Variants in CHRM4 observed in about 807,000 individuals in gnomAD.
CHRM4 encodes the protein muscarinic acetylcholine receptor M4.
A neutral mutation model predicts 26.3 loss-of-function variants in CHRM4; 5 were observed. That is an observed-to-expected ratio of 0.19 (90% CI 0.10 to 0.40). The LOEUF (loss-of-function observed/expected upper bound fraction) is 0.40. Ranked by LOEUF, CHRM4 falls within the 10% of genes least tolerant of loss-of-function variation. CHRM4 has a pLI of 1.00. For missense variants in CHRM4, 402 were observed against 664.5 expected, an observed-to-expected ratio of 0.60 and a Z score of 4.34; for synonymous variants, 290 against 285.3, an observed-to-expected ratio of 1.02 and a Z score of -0.16.
rs1945303953 is a variant in CHRM4 at position 46,384,101 on chromosome 11, A to G, written c.*1017T>C. ...CTGACTCACTGGAACCACCACACCC[A>G]TCTCAGCCTCACCCAGTCAAAGGTC... On this transcript the variant is annotated 3_prime_UTR_variant, in exon 2 of 2. Coordinates refer to ENST00000682254, the MANE Select transcript of CHRM4 (RefSeq NM_000741.5). Among the ~76,000 whole-genome samples the G allele has an allele frequency of 6.6e-6, 1 of 152,200 alleles. No homozygotes were observed. The highest frequency in any genetic ancestry group is 2.4e-5 in the African/African-American group (1 of 41,440).
Position 46,385,842 on chromosome 11 carries a change from G to C in CHRM4, c.716C>G (p.Ala239Gly). 1 of 1,604,500 alleles carries C rather than the reference G, an allele frequency of 6.2e-7. No individual in the cohort carries two copies. The highest frequency in any genetic ancestry group is 8.5e-7 in the Non-Finnish European group (1 of 1,175,862). The change falls in exon 2 of 2, where the codon GCC (alanine) becomes GGC (glycine). Residue 239 changes from alanine (A) to glycine (G), a missense_variant. By Grantham distance (60) the Ala-to-Gly change is moderately conservative. Transcript: ENST00000682254. This position sits in a 1 kb window ranked among gnomAD's most constrained non-coding sequence, Gnocchi z 6.3. The part of the protein sequence containing the change: ...HRPEGPKEKK[A>G]KTLAFLKSPL... ...GCTCTTGAGGAAGGCCAGCGTCTTG[G>C]CTTTCTTCTCCTTCGGGCCCTCGGG... is the stretch of plus-strand genomic sequence containing the variant.
chr11:46,388,021 C>T (rs1945358874), intron 1 of CHRM4, among the ~76,000 whole-genome samples: 1 of 152,216 alleles, frequency 6.6e-6, no homozygotes, highest in African/African-American at 2.4e-5. Context: ...TCCCTCCCAC[C>T]AGGCTCCTCT....
intron 1 of CHRM4, among the ~76,000 whole-genome samples, chr11:46,390,915 GC>G (rs1945385201): frequency 1.3e-5 from 2 of 152,380 alleles, no homozygotes; most frequent in Non-Finnish European, 2.9e-5. Flanking sequence ...GAAGGCTGTG[GC>G]CCCTGGATCT....
chr11:46,385,346 G>A lies in CHRM4; in HGVS notation c.1212C>T (p.Ala404=), dbSNP rs776369841. 1 of 1,610,814 alleles carries A rather than the reference G, an allele frequency of 6.2e-7. No homozygotes were observed. The highest frequency in any genetic ancestry group is 8.5e-7 in the Non-Finnish European group (1 of 1,177,236). ...AGGTGAGGATGAAGGCTAGCAGAAT[G>A]GCAAAGATCGTTCGTGTCACTTTGC... ...RERKVTRTIF[A]ILLAFILTWT... is the part of the protein sequence containing the mutation. The change falls in exon 2 of 2, where the codon GCC becomes GCT. Residue 404 remains alanine (A), a synonymous_variant. Transcript: ENST00000682254. The surrounding 1 kb of genome is among the most constrained non-coding windows in gnomAD (Gnocchi z 6.3).
intron 1 of CHRM4, among the ~76,000 whole-genome samples, chr11:46,387,555 G>A (rs569434858): frequency 2.0e-5 from 3 of 152,314 alleles, no homozygotes; most frequent in Admixed American, 6.5e-5. Flanking sequence ...AAGGTTTCAC[G>A]GCTTCTTGCA....
rs1945345867 is a variant in CHRM4, at chr11:46,386,803, T to C, written c.-29-217A>G. Among the ~76,000 whole-genome samples the C allele has an allele frequency of 6.6e-6, 1 of 151,946 alleles. No homozygotes were observed. The highest frequency in any genetic ancestry group is 2.4e-5 in the African/African-American group (1 of 41,318). Reference sequence around the variant, plus strand: ...AGGGTGCTGTGGCTACAGAAGTGAATAAGACACACATGGCCCCCTGCCTCA... The same window carrying C: ...AGGGTGCTGTGGCTACAGAAGTGAACAAGACACACATGGCCCCCTGCCTCA... On this transcript the variant is annotated intron_variant, in intron 1 of 1. Coordinates refer to ENST00000682254, the MANE Select transcript of CHRM4 (RefSeq NM_000741.5). The surrounding 1 kb of genome is among the most constrained non-coding windows in gnomAD (Gnocchi z 5.8).
chr11:46,388,046 C>A (rs542469052), intron 1 of CHRM4, among the ~76,000 whole-genome samples: 3 of 152,222 alleles, frequency 2.0e-5, no homozygotes, highest in Non-Finnish European at 4.4e-5. Flanking sequence ...TCTCCTCCCC[C>A]TCTTCCTCTT....
chr11:46,383,983 T>C lies in CHRM4; in HGVS notation c.*1135A>G, dbSNP rs1230824991. 2 of 225,618 alleles carry C rather than the reference T, an allele frequency of 8.9e-6. No individual in the cohort carries two copies. 14.0% of individuals were successfully genotyped at this position (225,618 alleles called of 1,614,324 possible). A position where few individuals can be genotyped will look rare whatever the true frequency, so the allele number is the denominator to read the frequency against. On this transcript the variant is annotated 3_prime_UTR_variant, in exon 2 of 2. Coordinates refer to ENST00000682254, the MANE Select transcript of CHRM4 (RefSeq NM_000741.5). Reference sequence around the variant, plus strand: ...AAGCAGAACAATTACAAACATTTCTTCCAGGGCCCCTGAAAGGGTGCTCCC... The same window carrying C: ...AAGCAGAACAATTACAAACATTTCTCCCAGGGCCCCTGAAAGGGTGCTCCC...
At chr11:46,387,480 T>C (rs887002315) in intron 1 of CHRM4, among the ~76,000 whole-genome samples, 1 of 152,190 alleles carries the variant, frequency 6.6e-6, no homozygotes, top group African/African-American at 2.4e-5. Context: ...ATGAGGTAGA[T>C]ACCATTTTTT....
Position 46,391,711 on chromosome 11 carries a change from G to A in CHRM4, c.-210C>T, listed in dbSNP as rs1945395861. ...GGCGGGGCGGGCGGCCGGGCCGAGG[G>A]CCGGGGGCGGGGACGGGGTGTCGAG... On this transcript the variant is annotated 5_prime_UTR_variant, in exon 1 of 2. Transcript: ENST00000682254. The surrounding 1 kb of genome is among the most constrained non-coding windows in gnomAD (Gnocchi z 6.3). Among the ~76,000 whole-genome samples, 1 of 148,866 alleles carries A rather than the reference G, an allele frequency of 6.7e-6. No individual in the cohort carries two copies. The highest frequency in any genetic ancestry group is 2.4e-5 in the African/African-American group (1 of 41,004).
chr11:46,387,926 C>A (rs982937568), intron 1 of CHRM4, among the ~76,000 whole-genome samples: 3 of 152,166 alleles, frequency 2.0e-5, no homozygotes, highest in Non-Finnish European at 4.4e-5. Flanking sequence ...CTGCCAGGGC[C>A]GCCTCTCCCC....
At position 46,386,770 on chromosome 11, in the gene CHRM4, C is replaced by A. The variant is rs1945345326; in HGVS notation, c.-29-184G>T. On this transcript the variant is annotated intron_variant, in intron 1 of 1. Transcript: ENST00000682254. This position sits in a 1 kb window ranked among gnomAD's most constrained non-coding sequence, Gnocchi z 5.8. ...AATTGAGCACCTACTATGTGGCAAG[C>A]ATTGCTCAGGGTGCTGTGGCTACAG... Among the ~76,000 whole-genome samples, 1 of 152,196 alleles carries A rather than the reference C, an allele frequency of 6.6e-6. No individual in the cohort carries two copies. Among genetic ancestry groups the A allele is most frequent in the Non-Finnish European group, 1.5e-5 (1 of 68,030 alleles).
rs565067527 is a variant in CHRM4, at chr11:46,391,072, AG to A, written c.-30+458del. ...CCCCGGCTTGGAGGCTGGGCAGCAA[AG>A]GGGGGTAGTACCGGAGCGGGGGAGG... On this transcript the variant is annotated intron_variant, in intron 1 of 1. Transcript: ENST00000682254. This position sits in a 1 kb window ranked among gnomAD's most constrained non-coding sequence, Gnocchi z 6.3. 3.4e-3 allele frequency among the ~76,000 whole-genome samples: 265 copies of A among 76,974 alleles called. 1 individual carries two copies. The highest frequency in any genetic ancestry group is 5.5e-3 in the South Asian group (14 of 2,544). The allele number at this position is 76,974 out of a possible 152,430, so 50.5% of individuals were successfully genotyped here.
rs1201382265 is a variant in CHRM4, at chr11:46,391,743, C to T, written c.-242G>A. Among the ~76,000 whole-genome samples, 3 of 149,868 alleles carry T rather than the reference C, an allele frequency of 2.0e-5. No homozygotes were observed. Among genetic ancestry groups the T allele is most frequent in the Non-Finnish European group, 4.5e-5 (3 of 67,152 alleles). ...GCGGGGACGGGGTGTCGAGGGGCGG[C>T]CCCTGCTCCGCCCGCAGCTCCCGGC... On this transcript the variant is annotated 5_prime_UTR_variant, in exon 1 of 2. Transcript: ENST00000682254. The surrounding 1 kb of genome is among the most constrained non-coding windows in gnomAD (Gnocchi z 6.3).
intron 1 of CHRM4, among the ~76,000 whole-genome samples, chr11:46,387,482 C>A (rs996411943): frequency 2.6e-5 from 4 of 152,256 alleles, no homozygotes; most frequent in South Asian, 4.2e-4. Flanking sequence ...GAGGTAGATA[C>A]CATTTTTTCT....
rs191392166 is a variant in CHRM4, at chr11:46,385,521, G to T, written c.1037C>A (p.Thr346Lys). The T allele has an allele frequency of 6.3e-7, 1 of 1,583,924 alleles. No homozygotes were observed. The highest frequency in any genetic ancestry group is 8.6e-7 in the Non-Finnish European group (1 of 1,158,402). The change falls in exon 2 of 2, where the codon ACG becomes AAG. Residue 346 changes from threonine (T) to lysine (K), a missense_variant. Thr to Lys is a moderately conservative substitution (Grantham distance 78). Coordinates refer to ENST00000682254, the MANE Select transcript of CHRM4 (RefSeq NM_000741.5). The surrounding 1 kb of genome is among the most constrained non-coding windows in gnomAD (Gnocchi z 6.3). ...ASRWSKIQIV[T>K]KQTGNECVTA... The stretch of plus-strand genomic sequence containing the variant: ...CACACACTCATTGCCTGTCTGCTTC[G>T]TCACAATCTGGATCTTGGACCATCT...
At position 46,391,261 on chromosome 11, in the gene CHRM4, CCCTGCTGAGCCGCCAGTGGGAGGG is replaced by C. The variant is rs1945389115; in HGVS notation, c.-30+246_-30+269del. On this transcript the variant is annotated intron_variant, in intron 1 of 1. Coordinates refer to ENST00000682254, the MANE Select transcript of CHRM4 (RefSeq NM_000741.5). The surrounding 1 kb of genome is among the most constrained non-coding windows in gnomAD (Gnocchi z 6.3). The stretch of plus-strand genomic sequence containing the variant: ...CTCTTTGGGGCTTCAGCGCCCGGCG[CCCTGCTGAGCCGCCAGTGGGAGGG>C]CTGGAGTACAGGGTCCCACCCCCGA... Among the ~76,000 whole-genome samples, 1 of 152,152 alleles carries C rather than the reference CCCTGCTGAGCCGCCAGTGGGAGGG, an allele frequency of 6.6e-6. No individual in the cohort carries two copies. Among genetic ancestry groups the C allele is most frequent in the Non-Finnish European group, 1.5e-5 (1 of 67,956 alleles).
At position 46,386,268 on chromosome 11, in the gene CHRM4, T is replaced by A. The variant is rs752932186; in HGVS notation, c.290A>T (p.Tyr97Phe). Reference sequence around the variant, plus strand: ...GCAGACCACGGCGCCCAGGGGCCAGTAGCCCTTGATGATGTACACGGTGTA... The same window carrying A: ...GCAGACCACGGCGCCCAGGGGCCAGAAGCCCTTGATGATGTACACGGTGTA... The part of the protein sequence containing the change: ...NLYTVYIIKG[Y>F]WPLGAVVCDL... The change falls in exon 2 of 2, where the codon TAC becomes TTC. Residue 97 changes from tyrosine to phenylalanine, a missense_variant. Around this residue, in one of 5 missense-constraint regions of CHRM4, gnomAD observed 92 missense variants for 133.1 expected, o/e 0.69. Coordinates refer to ENST00000682254, the MANE Select transcript of CHRM4 (RefSeq NM_000741.5). This position sits in a 1 kb window ranked among gnomAD's most constrained non-coding sequence, Gnocchi z 5.8. The A allele has an allele frequency of 6.2e-7, 1 of 1,613,826 alleles. No individual in the cohort carries two copies. The highest frequency in any genetic ancestry group is 8.5e-7 in the Non-Finnish European group (1 of 1,179,864).
At chr11:46,390,069 C>T (rs1328898457) in intron 1 of CHRM4, among the ~76,000 whole-genome samples, 1 of 152,118 alleles carries the variant, frequency 6.6e-6, no homozygotes, top group Non-Finnish European at 1.5e-5. Flanking sequence ...CTTGCATGCA[C>T]AAGCAAATGC....
Sources: gnomAD v4.1 joint callset for allele counts (sites outside exome capture counted in the v4.1 genomes callset) on GRCh38, gnomAD v4.1.1 for gene constraint, gnomAD v4.1.1 regional missense constraint, Gnocchi (gnomAD v3.1) non-coding constraint, MANE v1.5 for transcripts, NCBI Gene and HGNC (gene_info 2026-07-23, HGNC 2026-07-21) for gene names.